KCNH2: variants seen among roughly 807,000 people sequenced by gnomAD.
KCNH2 encodes the protein potassium voltage-gated channel subfamily H member 2.
In KCNH2, 35 loss-of-function variants were observed where a neutral mutation model predicts 95.9. That is an observed-to-expected ratio of 0.37 (90% CI 0.28 to 0.48). The LOEUF is 0.48. KCNH2 is among the 20% of genes least tolerant of loss of function. KCNH2 has a pLI of 0.99. For synonymous variants in KCNH2, 786 were observed against 754.7 expected (o/e 1.04, Z -0.68); for missense variants, 1,274 against 1,702.9 (o/e 0.75, Z 4.43).
Position 150,947,460 on chromosome 7 carries a change from C to T in KCNH2, c.3020G>A (p.Arg1007His), listed in dbSNP as rs199473542. ...GCATCGAGGGAGCTCCTGGTACTGGCGGCCCCGACTGTCCCCCCAGAAGCT... is the reference window on the plus strand; with the variant it reads ...GCATCGAGGGAGCTCCTGGTACTGGTGGCCCCGACTGTCCCCCCAGAAGCT... The part of the protein sequence containing the change: ...IFSFWGDSRG[R>H]QYQELPRCPA... Residue 1007 changes from arginine to histidine, a missense_variant, in exon 13 of 15, where the codon CGC (arginine) becomes CAC (histidine). Physicochemically the swap from Arg to His is conservative, Grantham distance 29. This residue lies in a region of KCNH2 where 457 missense variants were observed against 416.1 expected (regional missense o/e 1.10). Coordinates refer to ENST00000262186, the MANE Select transcript of KCNH2 (RefSeq NM_000238.4). 63 of 1,569,204 alleles carry T rather than the reference C, an allele frequency of 4.0e-5. No individual in the cohort carries two copies. The highest frequency in any genetic ancestry group is 5.4e-5 in the African/African-American group (4 of 74,276).
intron 2 of KCNH2, 25 bp downstream of exon 2, chr7:150,974,686 T>TGGCCC (rs1347604321): frequency 8.1e-7 from 1 of 1,240,262 alleles, no homozygotes; most frequent in African/African-American, 1.6e-5. Flanking sequence ...CCCCTGGTCG[T>TGGCCC]GGCCCCGCCC....
chr7:150,947,169 C>T (rs932723749), intron 13 of KCNH2, 115 bp from the exon 14 acceptor site: 10 of 1,125,774 alleles, frequency 8.9e-6, no homozygotes, highest in Middle Eastern at 3.0e-4. Context: ...CCAGGCCCTC[C>T]GCGCTAGAGG....
At chr7:150,964,320 C>T (rs73167625) in intron 2 of KCNH2, among the ~76,000 whole-genome samples, 5,462 of 152,296 alleles carry the variant, frequency 0.036, 130 homozygotes, top group African/African-American at 0.047. Flanking sequence ...GTTGAGCCAC[C>T]GTGACCAACA....
At chr7:150,976,555 G>A (rs1339313880) in intron 1 of KCNH2, among the ~76,000 whole-genome samples, 3 of 152,160 alleles carry the variant, frequency 2.0e-5, no homozygotes, top group Non-Finnish European at 4.4e-5. Context: ...AGAAGAGCAA[G>A]TTTCTTCGAA....
At chr7:150,961,000 C>T (rs765188012) in intron 2 of KCNH2, among the ~76,000 whole-genome samples, 18 of 152,194 alleles carry the variant, frequency 1.2e-4, no homozygotes, top group Non-Finnish European at 2.2e-4. Flanking sequence ...GTTAACAGCC[C>T]GCTCCAGCTC....
chr7:150,977,225 C>A (rs1340273524), intron 1 of KCNH2, among the ~76,000 whole-genome samples: 1 of 152,146 alleles, frequency 6.6e-6, no homozygotes, highest in Non-Finnish European at 1.5e-5. Flanking sequence ...AGCTCTAGCC[C>A]CAGGACACCC....
chr7:150,957,060 C>CCCAG (rs1801398400), intron 5 of KCNH2, among the ~76,000 whole-genome samples: 1 of 152,194 alleles, frequency 6.6e-6, no homozygotes, highest in Non-Finnish European at 1.5e-5. Context: ...CTCTGCCATT[C>CCCAG]CCAGCCCTTT....
chr7:150,949,073 G>A lies in KCNH2; in HGVS notation c.2399-24C>T, dbSNP rs757913574. On this transcript the variant is annotated intron_variant, in intron 9 of 14. Transcript: ENST00000262186. ...CCCTGGAGGCCATGGAGAGGACAGG[G>A]AGCTCAGCCCCGGGGGGCGGCATCC... 5.6e-6 allele frequency: 9 copies of A among 1,608,874 alleles called. No homozygotes were observed. In the South Asian group the frequency reaches 6.6e-5, roughly 12 times the overall value.
rs1241943196 is a variant in KCNH2 at position 150,958,172 on chromosome 7, G to A, written c.803C>T (p.Ala268Val). 2 of 1,353,206 alleles carry A rather than the reference G, an allele frequency of 1.5e-6. No individual in the cohort carries two copies. The highest frequency in any genetic ancestry group is 1.9e-6 in the Non-Finnish European group (2 of 1,054,844). 83.8% of individuals were successfully genotyped at this position (1,353,206 alleles called of 1,614,324 possible). ...GCAGCTTTCTCGGGAGCGCGTCCGG[G>A]CCAGGCTGCAGCTGGAGCCCGAGGC... ...PDASGSSCSL[A>V]RTRSRESCAS... Residue 268 changes from alanine (A) to valine (V), a missense_variant, in exon 4 of 15, where the codon GCC (alanine) becomes GTC (valine). Transcript: ENST00000262186.
At chr7:150,965,242 C>T (rs2968857) in intron 2 of KCNH2, among the ~76,000 whole-genome samples, 106,841 of 151,710 alleles carry the variant, frequency 0.7, 38,738 homozygotes, top group East Asian at 0.88. Flanking sequence ...GCCAGCAATC[C>T]ATGGGATCAT....
chr7:150,968,848 C>T (rs997467241), intron 2 of KCNH2, among the ~76,000 whole-genome samples: 1 of 152,158 alleles, frequency 6.6e-6, no homozygotes, highest in African/African-American at 2.4e-5. Context: ...GCTCATTTCC[C>T]ACGATTGCAA....
At position 150,957,322 on chromosome 7, in the gene KCNH2, C is replaced by T. The variant is rs1372751640; in HGVS notation, c.1097G>A (p.Arg366Gln). The change falls in exon 5 of 15, where the codon CGA (arginine) becomes CAA (glutamine). Residue 366 changes from arginine to glutamine, a missense_variant. Physicochemically the swap from Arg to Gln is conservative, Grantham distance 43. Around this residue, in one of 7 missense-constraint regions of KCNH2, gnomAD observed 392 missense variants for 429.9 expected, o/e 0.91. Coordinates refer to ENST00000262186, the MANE Select transcript of KCNH2 (RefSeq NM_000238.4). The part of the protein sequence containing the change: ...REIIAPKIKE[R>Q]THNVTEKVTQ... ...GACCTTCTCAGTGACATTGTGGGTT[C>T]GCTCCTTTATCTTAGGTGCTATGAT... is the stretch of plus-strand genomic sequence containing the variant. The T allele has an allele frequency of 5.0e-6, 8 of 1,597,156 alleles. No homozygotes were observed. Among genetic ancestry groups the T allele is most frequent in the East Asian group, 2.3e-5 (1 of 44,226 alleles).
At chr7:150,977,377 C>T (rs1009453759) in intron 1 of KCNH2, among the ~76,000 whole-genome samples, 1 of 152,196 alleles carries the variant, frequency 6.6e-6, no homozygotes, top group East Asian at 1.9e-4. Context: ...GCTGACCCTG[C>T]ATCCACGGCT....
In KCNH2 at chr7:150,948,529, C is replaced by T. The variant is rs199828796; in HGVS notation, c.2607G>A (p.Pro869=). 37 of 1,613,712 alleles carry T rather than the reference C, an allele frequency of 2.3e-5. No individual in the cohort carries two copies. Among genetic ancestry groups the T allele is most frequent in the Non-Finnish European group, 2.8e-5 (33 of 1,179,994 alleles). ...CTAACTCCGTACTGCCGGGGGAGCCCGGGATCATGTTGGTCTGGAACCAAA... is the reference window on the plus strand; with the variant it reads ...CTAACTCCGTACTGCCGGGGGAGCCTGGGATCATGTTGGTCTGGAACCAAA... ...TFNLRDTNMI[P]GSPGSTELEG... is the part of the protein sequence containing the mutation. Residue 869 remains proline, a synonymous_variant, in exon 11 of 15, where the codon CCG becomes CCA. Coordinates refer to ENST00000262186, the MANE Select transcript of KCNH2 (RefSeq NM_000238.4).
At chr7:150,956,545 G>A (rs1022256456) in intron 5 of KCNH2, among the ~76,000 whole-genome samples, 10 of 149,904 alleles carry the variant, frequency 6.7e-5, no homozygotes, top group Non-Finnish European at 1.5e-4. Flanking sequence ...TCGGGTGGAT[G>A]AAGCCATGGA....
intron 2 of KCNH2, among the ~76,000 whole-genome samples, chr7:150,974,411 A>C (rs934468523): frequency 2.0e-5 from 3 of 152,154 alleles, no homozygotes; most frequent in African/African-American, 7.2e-5. Flanking sequence ...AACTTGCTCT[A>C]CGTGCCCACA....
Position 150,952,580 on chromosome 7 carries a change from G to A in KCNH2, c.1402C>T (p.Leu468Phe), listed in dbSNP as rs267601414. Residue 468 changes from leucine to phenylalanine, a missense_variant, in exon 6 of 15, where the codon CTC (leucine) becomes TTC (phenylalanine). Physicochemically the swap from Leu to Phe is conservative, Grantham distance 22. Transcript: ENST00000262186. This position sits in a 1 kb window ranked among gnomAD's most constrained non-coding sequence, Gnocchi z 7.3. ...IVDIMFIVDI[L>F]INFRTTYVNA... Reference sequence around the variant, plus strand: ...ACGTAGGTGGTGCGGAAGTTGATGAGGATGTCCACAATGAACATGATGTCC... The same window carrying A: ...ACGTAGGTGGTGCGGAAGTTGATGAAGATGTCCACAATGAACATGATGTCC... 2.5e-6 allele frequency: 4 copies of A among 1,614,090 alleles called. No homozygotes were observed. The Admixed American group carries it at 5.0e-5, about 20-fold the overall frequency.
At chr7:150,967,066 G>C (rs930502465) in intron 2 of KCNH2, among the ~76,000 whole-genome samples, 20 of 152,130 alleles carry the variant, frequency 1.3e-4, no homozygotes, top group African/African-American at 4.8e-4. Context: ...ATCACCTGAG[G>C]TCAGGAGTTC....
chr7:150,951,239 G>A lies in KCNH2; in HGVS notation c.1946-119C>T, dbSNP rs1275785555. The A allele has an allele frequency of 6.8e-6, 7 of 1,033,912 alleles. No homozygotes were observed. The East Asian group carries it at 1.2e-4, about 18-fold the overall frequency. 64.0% of individuals were successfully genotyped at this position (1,033,912 alleles called of 1,614,324 possible). On this transcript the variant is annotated intron_variant, in intron 7 of 14. Transcript: ENST00000262186. ...AGTCTCAGCGTCGACATGCCCACGA[G>A]ACGCCCTTGTACATCTGCGCTCCAG...
Sources: allele counts gnomAD v4.1 joint callset (sites outside exome capture counted in the v4.1 genomes callset), GRCh38; gene constraint gnomAD v4.1.1; regional missense constraint gnomAD v4.1.1; non-coding constraint Gnocchi (gnomAD v3.1); transcripts MANE v1.5; gene names NCBI Gene and HGNC (gene_info 2026-07-23, HGNC 2026-07-21).